Variants in SUPT3H observed in about 807,000 individuals in gnomAD.
SUPT3H encodes transcription initiation protein SPT3 homolog.
Under a neutral mutation model 44.3 loss-of-function variants are expected in SUPT3H, and 44 were observed. The ratio of observed to expected loss-of-function variants is 0.99; its 90% CI spans 0.78 to 1.28. SUPT3H has a LOEUF of 1.28. Among genes scored for constraint, SUPT3H ranks in the 50% most tolerant of loss-of-function variants. The probability of loss-of-function intolerance (pLI) is 0.00; values close to 1 mark genes in which losing one functional copy is unlikely to be tolerated. For missense variants in SUPT3H, 380 were observed against 387.1 expected (o/e 0.98, Z 0.15); for synonymous variants, 124 against 125.6 (o/e 0.99, Z 0.09).
In SUPT3H at chr6:45,230,662, CTATATA is replaced by C. The variant is rs66480751; in HGVS notation, c.102-124662_102-124657del. ...AAATCATGTTTTAAATTCATTCAGTCTATATATATATATATATATATATATTTTTGA... is the reference window on the plus strand; with the variant it reads ...AAATCATGTTTTAAATTCATTCAGTCTATATATATATATATATATTTTTGA... On this transcript the variant is annotated intron_variant, in intron 2 of 10. Transcript: ENST00000371459. Among the ~76,000 whole-genome samples, 198 of 68,710 alleles carry C rather than the reference CTATATA, an allele frequency of 2.9e-3. 20 individuals carry two copies. Among genetic ancestry groups the C allele is most frequent in the African/African-American group, 8.6e-3 (166 of 19,212 alleles). The allele number at this position is 68,710 out of a possible 152,430, so 45.1% of individuals were successfully genotyped here.
chr6:44,859,047 A>G (rs1774187984), intron 10 of SUPT3H, among the ~76,000 whole-genome samples: 1 of 152,188 alleles, frequency 6.6e-6, no homozygotes, highest in Admixed American at 6.5e-5. Flanking sequence ...GGCCTTTCAG[A>G]GTTTGCATTA....
intron 10 of SUPT3H, among the ~76,000 whole-genome samples, chr6:44,894,782 G>A (rs185395803): frequency 4.1e-4 from 62 of 151,510 alleles, no homozygotes; most frequent in African/African-American, 1.4e-3. Flanking sequence ...TTGAGAAAAC[G>A]CCCTTATAGG....
Position 45,188,308 on chromosome 6 carries a change from G to A in SUPT3H, c.102-82302C>T, listed in dbSNP as rs772222426. 3.3e-5 allele frequency among the ~76,000 whole-genome samples: 5 copies of A among 152,362 alleles called. No homozygotes were observed. The East Asian group carries it at 9.6e-4, about 29-fold the overall frequency. On this transcript the variant is annotated intron_variant, in intron 2 of 10. Transcript: ENST00000371459. ...AATCTTATGCTGAGATTGCTAAGAC[G>A]TATAGTAAGAACGAATCTTCTATTC...
chr6:45,295,636 C>A (rs886088482), intron 2 of SUPT3H, among the ~76,000 whole-genome samples: 1 of 148,956 alleles, frequency 6.7e-6, no homozygotes, highest in African/African-American at 2.5e-5. Flanking sequence ...TACCCAAAAT[C>A]TACAATGAAC....
At chr6:45,339,744 A>C (rs1025169953) in intron 2 of SUPT3H, among the ~76,000 whole-genome samples, 3 of 152,180 alleles carry the variant, frequency 2.0e-5, no homozygotes, top group East Asian at 3.8e-4. Flanking sequence ...GTTGTTTTAA[A>C]TTATTTAAAA....
At chr6:45,173,886 C>A (rs560379868) in intron 2 of SUPT3H, among the ~76,000 whole-genome samples, 2 of 152,368 alleles carry the variant, frequency 1.3e-5, no homozygotes, top group Non-Finnish European at 2.9e-5. Context: ...CAGTACTGCT[C>A]ACCTTGCAGT....
chr6:45,221,677 T>TATAATTATTATATATTA (rs1766084951), intron 2 of SUPT3H, among the ~76,000 whole-genome samples: 4 of 152,164 alleles, frequency 2.6e-5, no homozygotes, highest in African/African-American at 4.8e-5. Flanking sequence ...TAAGTTTAAT[T>TATAATTATTATATATTA]TAATTCCTAT....
At chr6:45,090,857 T>C (rs909839255) in intron 3 of SUPT3H, among the ~76,000 whole-genome samples, 6 of 151,878 alleles carry the variant, frequency 4.0e-5, no homozygotes, top group African/African-American at 1.4e-4. Flanking sequence ...AATACAGTTA[T>C]TTTACTTCTT....
At chr6:44,984,543 G>C (rs1325045658) in intron 6 of SUPT3H, among the ~76,000 whole-genome samples, 1 of 152,070 alleles carries the variant, frequency 6.6e-6, no homozygotes, top group East Asian at 1.9e-4. Flanking sequence ...GTCAAATAGA[G>C]TATAAGTGAA....
In SUPT3H at chr6:45,328,819, T is replaced by C. The variant is rs376606261; in HGVS notation, c.101+36382A>G. ...ACCATTTTTAAAATCCTGTAAGATA[T>C]GAACCTGTTAAACATAAAGGTATGA... On this transcript the variant is annotated intron_variant, in intron 2 of 10. Coordinates refer to ENST00000371459, the MANE Select transcript of SUPT3H (RefSeq NM_003599.4). 1.3e-4 allele frequency: 200 copies of C among 1,597,828 alleles called. 2 individuals are homozygous for C. In the South Asian group the frequency reaches 1.9e-3, roughly 15 times the overall value.
chr6:45,018,029 T>C (rs1442616824), intron 4 of SUPT3H, among the ~76,000 whole-genome samples: 2 of 152,046 alleles, frequency 1.3e-5, no homozygotes, highest in Non-Finnish European at 2.9e-5. Flanking sequence ...CCTTGAGCAA[T>C]GGTTTGTAGT....
chr6:45,318,527 G>C (rs999954918), intron 2 of SUPT3H, among the ~76,000 whole-genome samples: 1 of 152,098 alleles, frequency 6.6e-6, no homozygotes, highest in African/African-American at 2.4e-5. Context: ...AGGAAGGTGA[G>C]AGCTTATGGG....
chr6:45,191,673 G>A (rs898253480), intron 2 of SUPT3H, among the ~76,000 whole-genome samples: 3 of 91,440 alleles, frequency 3.3e-5, no homozygotes, highest in East Asian at 4.0e-4. Flanking sequence ...AACATTAACT[G>A]CTCTAAAAAA....
chr6:45,103,890 G>T (rs1192522816), intron 3 of SUPT3H, among the ~76,000 whole-genome samples: 2 of 152,100 alleles, frequency 1.3e-5, no homozygotes, highest in Non-Finnish European at 2.9e-5. Context: ...CAGTTAACTT[G>T]TAACAGAAAC....
intron 2 of SUPT3H, among the ~76,000 whole-genome samples, chr6:45,143,618 A>C (rs571064771): frequency 6.6e-6 from 1 of 152,254 alleles, no homozygotes; most frequent in Non-Finnish European, 1.5e-5. Context: ...ACAAATAGAC[A>C]ATCTAAGGTC....
intron 2 of SUPT3H, among the ~76,000 whole-genome samples, chr6:45,162,086 C>T (rs1224993506): frequency 6.6e-6 from 1 of 152,020 alleles, no homozygotes; most frequent in African/African-American, 2.4e-5. Flanking sequence ...CCACAGTTTG[C>T]TTTCAAGGGT....
chr6:45,244,196 A>AC (rs1770926878), intron 2 of SUPT3H, among the ~76,000 whole-genome samples: 1 of 152,096 alleles, frequency 6.6e-6, no homozygotes, highest in African/African-American at 2.4e-5. Flanking sequence ...TTGGCTGATT[A>AC]CCATTTAGAT....
chr6:45,174,501 A>G (rs1811357664), intron 2 of SUPT3H, among the ~76,000 whole-genome samples: 1 of 152,160 alleles, frequency 6.6e-6, no homozygotes, highest in Non-Finnish European at 1.5e-5. Flanking sequence ...CAGGTTAAGA[A>G]TCATTGAGCA....
At chr6:44,896,225 A>C (rs1764113440) in intron 10 of SUPT3H, among the ~76,000 whole-genome samples, 1 of 152,186 alleles carries the variant, frequency 6.6e-6, no homozygotes, top group Non-Finnish European at 1.5e-5. Context: ...CTTGAATTCA[A>C]GTTCCAGCTG....
Sources: allele counts gnomAD v4.1 joint callset (sites outside exome capture counted in the v4.1 genomes callset), GRCh38; gene constraint gnomAD v4.1.1; transcripts MANE v1.5; gene names NCBI Gene and HGNC (gene_info 2026-07-23, HGNC 2026-07-21).